The following TBC1D25 variants were observed in gnomAD, a reference collection of about 807,000 sequenced individuals.
The protein encoded by TBC1D25 is 5SN3 snoRNA.
TBC1D25 carries 13 observed loss-of-function variants against 38.8 expected under a neutral mutation model. The observed-to-expected ratio is 0.34, with a 90% CI of 0.22 to 0.53. The LOEUF (loss-of-function observed/expected upper bound fraction) is 0.53. Ranked by LOEUF, TBC1D25 falls within the 20% of genes least tolerant of loss-of-function variation. The probability of loss-of-function intolerance (pLI) is 0.94; values close to 1 mark genes in which losing one functional copy is unlikely to be tolerated. For missense variants in TBC1D25, 372 were observed against 600.0 expected (o/e 0.62, Z 3.97); for synonymous variants, 225 against 255.6 (o/e 0.88, Z 1.14).
At position 48,559,322 on chromosome X, in the gene TBC1D25, C is replaced by A; in HGVS notation, c.681C>A (p.Gly227=). The change falls in exon 5 of 6, where the codon GGC becomes GGA. Residue 227 remains glycine, a synonymous_variant. Coordinates refer to ENST00000376771, the MANE Select transcript of TBC1D25 (RefSeq NM_002536.4). ...AGTTGCGCCTGCGGATCTATCATGGCGGTGTGGAGCCCTCGCTGCGAAAGG... is the reference window on the plus strand; with the variant it reads ...AGTTGCGCCTGCGGATCTATCATGGAGGTGTGGAGCCCTCGCTGCGAAAGG... The part of the protein sequence containing the change: ...PEELRLRIYH[G]GVEPSLRKVV... The A allele has an allele frequency of 8.3e-7, 1 of 1,209,584 alleles. No individual in the cohort carries two copies.
chrX:48,543,951 C>T (rs2147171224), intron 2 of TBC1D25, among the ~76,000 whole-genome samples: 1 of 110,798 alleles, frequency 9.0e-6, no homozygotes, highest in South Asian at 3.8e-4. Context: ...CTCACACCCT[C>T]GCAAACATTG....
rs149567585 is a variant in TBC1D25 at position 48,560,915 on chromosome X, T to C, written c.2007T>C (p.Asp669=). 8.4e-5 allele frequency: 102 copies of C among 1,209,847 alleles called. No homozygotes were observed. Among genetic ancestry groups the C allele is most frequent in the Non-Finnish European group, 1.1e-4 (98 of 895,131 alleles). The change falls in exon 6 of 6, where the codon GAT becomes GAC. Residue 669 remains aspartate, a synonymous_variant. Coordinates refer to ENST00000376771, the MANE Select transcript of TBC1D25 (RefSeq NM_002536.4). The part of the protein sequence containing the change: ...VLRRARALFA[D]YLQSEVWDSE... ...GCCGGGCTAGGGCTCTCTTTGCTGA[T>C]TACCTGCAGTCAGAGGTGTGGGACT...
chrX:48,560,946 G>A lies in TBC1D25; in HGVS notation c.2038G>A (p.Glu680Lys). The A allele has an allele frequency of 8.3e-7, 1 of 1,201,326 alleles. No individual in the cohort carries two copies. The highest frequency in any genetic ancestry group is 1.1e-6 in the Non-Finnish European group (1 of 890,485). Reference sequence around the variant, plus strand: ...GCAGTCAGAGGTGTGGGACTCAGAGGAGGGGGCTGAGGCCACAGCCGCATC... The same window carrying A: ...GCAGTCAGAGGTGTGGGACTCAGAGAAGGGGGCTGAGGCCACAGCCGCATC... ...YLQSEVWDSEEGAEATAAS is the reference protein window; with the variant it reads ...YLQSEVWDSEKGAEATAAS The change falls in exon 6 of 6, where the codon GAG becomes AAG. Residue 680 changes from glutamate (E) to lysine (K), a missense_variant. Transcript: ENST00000376771.
At chrX:48,552,319 TG>T (rs2038901538) in intron 3 of TBC1D25, among the ~76,000 whole-genome samples, 1 of 105,033 alleles carries the variant, frequency 9.5e-6, no homozygotes, top group South Asian at 4.3e-4. Flanking sequence ...CCCGAGTAGC[TG>T]GGATTACAGG....
At position 48,551,094 on chromosome X, in the gene TBC1D25, T is replaced by C. The variant is rs886623003; in HGVS notation, c.388+6071T>C. ...TATATTAATTTAGGGTTTGGGAAGT[T>C]TGACAATTTTATGATAAGGAAATGC... is the stretch of plus-strand genomic sequence containing the variant. On this transcript the variant is annotated intron_variant, in intron 3 of 5. Coordinates refer to ENST00000376771, the MANE Select transcript of TBC1D25 (RefSeq NM_002536.4). Among the ~76,000 whole-genome samples the C allele has an allele frequency of 3.6e-5, 4 of 111,826 alleles. No individual in the cohort carries two copies. In the East Asian group the frequency reaches 1.1e-3, roughly 31 times the overall value.
chrX:48,553,579 T>C (rs2061951746), intron 3 of TBC1D25, among the ~76,000 whole-genome samples: 2 of 106,876 alleles, frequency 1.9e-5, no homozygotes, highest in South Asian at 8.2e-4. Flanking sequence ...TAAGCAGCCG[T>C]TTTTTGTCTC....
chrX:48,541,087 G>T (rs781999480), intron 1 of TBC1D25, among the ~76,000 whole-genome samples: 16 of 112,030 alleles, frequency 1.4e-4, no homozygotes, highest in African/African-American at 5.2e-4. Flanking sequence ...CACCATAGAG[G>T]ACTGATTTAA....
rs1556985872 is a variant in TBC1D25 at position 48,560,405 on chromosome X, G to C, written c.1497G>C (p.Gly499=). The C allele has an allele frequency of 8.3e-7, 1 of 1,209,603 alleles. No homozygotes were observed. Among genetic ancestry groups the C allele is most frequent in the African/African-American group, 1.8e-5 (1 of 57,114 alleles). Residue 499 remains glycine, a synonymous_variant, in exon 6 of 6, where the codon GGG becomes GGC. Transcript: ENST00000376771. ...ATASQGPGGG[G]RLLRQASLDG... The stretch of plus-strand genomic sequence containing the variant: ...CCAGTCAGGGGCCTGGTGGTGGGGG[G>C]CGTCTCCTGAGACAGGCCAGCTTGG...
chrX:48,543,247 T>A (rs782404533), intron 2 of TBC1D25, among the ~76,000 whole-genome samples: 60 of 108,014 alleles, frequency 5.6e-4, no homozygotes, highest in East Asian at 1.2e-3. Flanking sequence ...TTAAAAAAAA[T>A]TTTTTTTTTG....
intron 2 of TBC1D25, among the ~76,000 whole-genome samples, chrX:48,543,234 G>A (rs960847729): frequency 4.6e-5 from 5 of 109,694 alleles, no homozygotes; most frequent in African/African-American, 1.3e-4. Flanking sequence ...AAGGGTATTT[G>A]CTTTAAAAAA....
intron 3 of TBC1D25, among the ~76,000 whole-genome samples, chrX:48,553,946 C>G (rs1183978082): frequency 9.3e-6 from 1 of 107,458 alleles, no homozygotes; most frequent in South Asian, 4.1e-4. Flanking sequence ...TTTGGGAGAC[C>G]GAGGTAGGCG....
Position 48,539,940 on chromosome X carries a change from G to A in TBC1D25, c.123+20G>A. 1 of 948,522 alleles carries A rather than the reference G, an allele frequency of 1.1e-6. No homozygotes were observed. The highest frequency in any genetic ancestry group is 1.3e-6 in the Non-Finnish European group (1 of 758,204). The allele number at this position is 948,522 out of a possible 1,213,427, so 78.2% of individuals were successfully genotyped here. On this transcript the variant is annotated intron_variant, in intron 1 of 5. Coordinates refer to ENST00000376771, the MANE Select transcript of TBC1D25 (RefSeq NM_002536.4). Reference sequence around the variant, plus strand: ...GTCAAGGTGAGGCTGGCGGTGAGTCGGCCCAGCCGCCGAGGCATCCCAGGG... The same window carrying A: ...GTCAAGGTGAGGCTGGCGGTGAGTCAGCCCAGCCGCCGAGGCATCCCAGGG...
rs782292207 is a variant in TBC1D25, at chrX:48,559,839, C to G, written c.931C>G (p.Leu311Val). 4.8e-5 allele frequency: 58 copies of G among 1,210,384 alleles called. No homozygotes were observed. Among genetic ancestry groups the G allele is most frequent in the Non-Finnish European group, 6.5e-5 (58 of 895,295 alleles). ...YYAGPEDGPH[L>V]RALHDLLTTY... ...TGCGGGGCCTGAGGATGGCCCACAT[C>G]TACGGGCGCTGCACGACCTGCTCAC... The change falls in exon 6 of 6, where the codon CTA becomes GTA. Residue 311 changes from leucine (L) to valine (V), a missense_variant. Leu to Val is a conservative substitution (Grantham distance 32). Transcript: ENST00000376771.
chrX:48,546,402 A>G (rs1383745277), intron 3 of TBC1D25, among the ~76,000 whole-genome samples: 1 of 107,755 alleles, frequency 9.3e-6, no homozygotes, highest in East Asian at 2.9e-4. Flanking sequence ...AGTCCCAGCT[A>G]CTCGGGAGGC....
rs1556985930 is a variant in TBC1D25 at position 48,560,493 on chromosome X, C to A, written c.1585C>A (p.His529Asn). Reference protein sequence around the residue: ...SRRDPLVQLPHPAALISSKSL... With the variant: ...SRRDPLVQLPNPAALISSKSL... ...GAGGGACCCTCTGGTCCAGCTGCCC[C>A]ACCCAGCTGCCCTTATCAGCTCCAA... is the stretch of plus-strand genomic sequence containing the variant. The change falls in exon 6 of 6, where the codon CAC becomes AAC. Residue 529 changes from histidine to asparagine, a missense_variant. His to Asn is a moderately conservative substitution (Grantham distance 68). This residue lies in a region of TBC1D25 where 312 missense variants were observed against 549.3 expected (regional missense o/e 0.57). Coordinates refer to ENST00000376771, the MANE Select transcript of TBC1D25 (RefSeq NM_002536.4). 8.3e-7 allele frequency: 1 copy of A among 1,208,440 alleles called. No individual in the cohort carries two copies. Among genetic ancestry groups the A allele is most frequent in the African/African-American group, 1.8e-5 (1 of 57,106 alleles).
intron 3 of TBC1D25, among the ~76,000 whole-genome samples, chrX:48,551,482 C>A (rs2061932352): frequency 9.1e-6 from 1 of 110,319 alleles, no homozygotes; most frequent in African/African-American, 3.3e-5. Context: ...CACGCGCCAC[C>A]ACGCCCAGCT....
chrX:48,548,310 T>C (rs1441303603), intron 3 of TBC1D25, among the ~76,000 whole-genome samples: 2 of 109,928 alleles, frequency 1.8e-5, no homozygotes, highest in Admixed American at 2.0e-4. Flanking sequence ...GAGACAGGGT[T>C]TCGCCGTGTT....
intron 3 of TBC1D25, among the ~76,000 whole-genome samples, chrX:48,553,869 C>T (rs1556983919): frequency 9.2e-6 from 1 of 109,136 alleles, no homozygotes. Context: ...AGCAATCCGC[C>T]CGCCTTGGCC....
At chrX:48,543,389 A>G (rs2061856243) in intron 2 of TBC1D25, among the ~76,000 whole-genome samples, 1 of 107,384 alleles carries the variant, frequency 9.3e-6, no homozygotes, top group Non-Finnish European at 1.9e-5. Context: ...GGCGTGCGCC[A>G]CCATGCCCGG....
Sources: allele counts gnomAD v4.1 joint callset (sites outside exome capture counted in the v4.1 genomes callset), GRCh38; gene constraint gnomAD v4.1.1; regional missense constraint gnomAD v4.1.1; transcripts MANE v1.5; gene names NCBI Gene and HGNC (gene_info 2026-07-23, HGNC 2026-07-21).